LIMK2: variants seen among roughly 807,000 people sequenced by gnomAD.
The protein encoded by LIMK2 is LIM domain kinase 2.
A neutral mutation model predicts 75.7 loss-of-function variants in LIMK2; 35 were observed. That is an observed-to-expected ratio of 0.46 (90% CI 0.35 to 0.61). The LOEUF (loss-of-function observed/expected upper bound fraction) is 0.61. LIMK2 is among the 20% of genes least tolerant of loss of function. The pLI, the probability that LIMK2 is intolerant of heterozygous loss-of-function variation, is 0.00. For synonymous variants in LIMK2, 301 were observed against 319.2 expected, an observed-to-expected ratio of 0.94 and a Z score of 0.61; for missense variants, 623 against 831.0, an observed-to-expected ratio of 0.75 and a Z score of 3.08.
intron 2 of LIMK2, among the ~76,000 whole-genome samples, chr22:31,248,922 T>C (rs2048697698): frequency 6.6e-6 from 1 of 152,088 alleles, no homozygotes; most frequent in African/African-American, 2.4e-5. Context: ...GAATCGGCCT[T>C]GTGAGGTACC....
intron 2 of LIMK2, among the ~76,000 whole-genome samples, chr22:31,252,405 G>A (rs1256695652): frequency 2.0e-5 from 3 of 152,006 alleles, no homozygotes; most frequent in African/African-American, 7.3e-5. Flanking sequence ...AGCCAGGCAT[G>A]GTGGTGTGCA....
intron 8 of LIMK2, 113 bp downstream of exon 8, chr22:31,266,245 C>T: frequency 9.4e-7 from 1 of 1,068,592 alleles, no homozygotes; most frequent in South Asian, 1.5e-5. Context: ...TGCCAGGCCT[C>T]CTTCCTGGCT....
intron 2 of LIMK2, among the ~76,000 whole-genome samples, chr22:31,251,787 GTCTC>G (rs1277837264): frequency 6.6e-6 from 1 of 151,836 alleles, no homozygotes; most frequent in Non-Finnish European, 1.5e-5. Flanking sequence ...ATGGAACAGA[GTCTC>G]TCTAGGCCCC....
At chr22:31,238,510 C>G (rs542686975) in intron 2 of LIMK2, among the ~76,000 whole-genome samples, 1 of 152,280 alleles carries the variant, frequency 6.6e-6, no homozygotes, top group East Asian at 1.9e-4. Flanking sequence ...TCAGAACCAT[C>G]ACAGAATGTC....
intron 2 of LIMK2, among the ~76,000 whole-genome samples, chr22:31,247,901 G>A (rs1330370238): frequency 6.6e-6 from 1 of 152,170 alleles, no homozygotes; most frequent in African/African-American, 2.4e-5. Flanking sequence ...GCTGTCCCCA[G>A]GACAGGCAGA....
At chr22:31,234,575 G>C (rs2048555847) in intron 2 of LIMK2, among the ~76,000 whole-genome samples, 1 of 151,584 alleles carries the variant, frequency 6.6e-6, no homozygotes, top group Non-Finnish European at 1.5e-5. Context: ...ACAAAAATTA[G>C]CTGGTCGTGG....
At chr22:31,246,179 GCACGCACACA>G (rs977349818) in intron 2 of LIMK2, among the ~76,000 whole-genome samples, 6 of 69,824 alleles carry the variant, frequency 8.6e-5, no homozygotes, top group East Asian at 4.9e-4. Context: ...ACACACGCAC[GCACGCACACA>G]CACACACACA....
chr22:31,230,785 G>A (rs977975378), intron 2 of LIMK2, among the ~76,000 whole-genome samples: 1 of 152,184 alleles, frequency 6.6e-6, no homozygotes, highest in African/African-American at 2.4e-5. Flanking sequence ...CAGAGACTGT[G>A]TTGTAATATG....
intron 2 of LIMK2, among the ~76,000 whole-genome samples, chr22:31,226,739 A>C (rs1199966588): frequency 2.6e-5 from 4 of 152,204 alleles, no homozygotes; most frequent in African/African-American, 9.6e-5. Context: ...CCCCCCTAGT[A>C]GGTGGGACTC....
At chr22:31,230,486 T>C (rs1314239165) in intron 2 of LIMK2, among the ~76,000 whole-genome samples, 1 of 152,178 alleles carries the variant, frequency 6.6e-6, no homozygotes, top group Admixed American at 6.5e-5. Flanking sequence ...CTATTAGTCT[T>C]GATGGCCCCA....
intron 1 of LIMK2, among the ~76,000 whole-genome samples, chr22:31,219,732 C>T (rs773186715): frequency 6.6e-5 from 10 of 152,162 alleles, no homozygotes; most frequent in African/African-American, 9.7e-5. Flanking sequence ...TCACCATGCC[C>T]GGCTAATTTT....
intron 12 of LIMK2, 128 bp downstream of exon 12, chr22:31,271,329 C>G (rs1001660707): frequency 1.3e-6 from 1 of 743,272 alleles, no homozygotes; most frequent in East Asian, 2.6e-5. Context: ...CTATCTTTCC[C>G]TTCCTGCTTC....
At chr22:31,223,741 C>T (rs1215932196) in intron 1 of LIMK2, among the ~76,000 whole-genome samples, 5 of 152,162 alleles carry the variant, frequency 3.3e-5, no homozygotes, top group Non-Finnish European at 5.9e-5. Context: ...TGACCACTGT[C>T]ACCCTAAAAC....
At position 31,267,856 on chromosome 22, in the gene LIMK2, C is replaced by G. The variant is rs2228619; in HGVS notation, c.1209C>G (p.Leu403=). Residue 403 remains leucine, a synonymous_variant, in exon 10 of 16, where the codon CTC becomes CTG. Coordinates refer to ENST00000331728, the MANE Select transcript of LIMK2 (RefSeq NM_005569.4). Reference sequence around the variant, plus strand: ...TGTACAAGGATAAGAAGCTGAACCTCCTGACAGAGTACATTGAGGGGGGCA... The same window carrying G: ...TGTACAAGGATAAGAAGCTGAACCTGCTGACAGAGTACATTGAGGGGGGCA... The part of the protein sequence containing the change: ...GVLYKDKKLN[L]LTEYIEGGTL... 0.74 allele frequency: 1,185,684 copies of G among 1,612,060 alleles called. 439,908 individuals carry two copies. The highest frequency in any genetic ancestry group is 0.95 in the African/African-American group (71,319 of 74,902).
chr22:31,275,569 A>C, intron 15 of LIMK2: 1 of 451,112 alleles, frequency 2.2e-6, no homozygotes, highest in Non-Finnish European at 4.0e-6. Context: ...ATTCACCCAA[A>C]CCATTTGAAT....
rs1400711020 is a variant in LIMK2 at position 31,279,524 on chromosome 22, T to G, written c.*1083T>G. 6.6e-6 allele frequency: 1 copy of G among 152,268 alleles called. No homozygotes were observed. Among genetic ancestry groups the G allele is most frequent in the Admixed American group, 6.5e-5 (1 of 15,290 alleles). 9.4% of individuals were successfully genotyped at this position (152,268 alleles called of 1,614,324 possible). On this transcript the variant is annotated 3_prime_UTR_variant, in exon 16 of 16. Transcript: ENST00000331728. ...TGCTGAGAGAGATAGCTCCCTGAGC[T>G]GGGCCATCTGACTTCTACCTCCCAT...
intron 2 of LIMK2, 118 bp from the exon 3 acceptor site, chr22:31,258,173 C>A: frequency 9.1e-7 from 1 of 1,101,458 alleles, no homozygotes; most frequent in Non-Finnish European, 1.3e-6. Flanking sequence ...TTTGCCCCAT[C>A]TTGGCTTTGG....
intron 2 of LIMK2, among the ~76,000 whole-genome samples, chr22:31,233,131 G>A (rs776217256): frequency 5.9e-5 from 9 of 152,168 alleles, no homozygotes; most frequent in African/African-American, 1.2e-4. Flanking sequence ...GATAAAGTTC[G>A]GAGTCAGGCT....
rs563273085 is a variant in LIMK2 at position 31,258,923 on chromosome 22, A to G, written c.253-198A>G. 8 of 531,694 alleles carry G rather than the reference A, an allele frequency of 1.5e-5. No homozygotes were observed. The South Asian group carries it at 1.7e-4, about 11-fold the overall frequency. 32.9% of individuals were successfully genotyped at this position (531,694 alleles called of 1,614,324 possible). A position where few individuals can be genotyped will look rare whatever the true frequency, so the allele number is the denominator to read the frequency against. On this transcript the variant is annotated intron_variant, in intron 3 of 15. Coordinates refer to ENST00000331728, the MANE Select transcript of LIMK2 (RefSeq NM_005569.4). ...TTCTTCTCATAACTGAGACCAAAAC[A>G]GTTTTGTGCAGTCTCAGAAATGACA...
Sources: allele counts gnomAD v4.1 joint callset (sites outside exome capture counted in the v4.1 genomes callset), GRCh38; gene constraint gnomAD v4.1.1; transcripts MANE v1.5; gene names NCBI Gene and HGNC (gene_info 2026-07-23, HGNC 2026-07-21).